The following CRACD variants were observed in gnomAD, a reference collection of about 807,000 sequenced individuals.
CRACD encodes the protein capping protein inhibiting regulator of actin dynamics, also known as capping protein-inhibiting regulator of actin dynamics.
In CRACD, 56 loss-of-function variants were observed where a neutral mutation model predicts 106.8. That is an observed-to-expected ratio of 0.52 (90% CI 0.42 to 0.66). The LOEUF is 0.66. CRACD is among the 30% of genes least tolerant of loss of function. CRACD has a pLI of 0.00. For missense variants in CRACD, 1,730 were observed against 1,623.2 expected (o/e 1.07, Z -1.13); for synonymous variants, 754 against 670.8 (o/e 1.12, Z -1.92).
intron 1 of CRACD, among the ~76,000 whole-genome samples, chr4:56,051,408 G>C (rs558223536): frequency 1.1e-4 from 16 of 152,066 alleles, no homozygotes; most frequent in Admixed American, 3.3e-4. Flanking sequence ...TCTCTTGGGT[G>C]GTTTTTTTCA....
At position 56,180,527 on chromosome 4, in the gene CRACD, AATAAATAG is replaced by A. The variant is rs1341753045; in HGVS notation, c.-189+1101_-189+1108del. ...AAATAAATAAATAAATAAATAAATA[AATAAATAG>A]ATAGATAGCATCATATCATTATTTT... On this transcript the variant is annotated intron_variant, in intron 2 of 10. Transcript: ENST00000682029. Among the ~76,000 whole-genome samples, 231 of 128,668 alleles carry A rather than the reference AATAAATAG, an allele frequency of 1.8e-3. 1 individual carries two copies. The highest frequency in any genetic ancestry group is 6.0e-3 in the African/African-American group (198 of 32,890). The allele number at this position is 128,668 out of a possible 152,430, so 84.4% of individuals were successfully genotyped here.
intron 1 of CRACD, among the ~76,000 whole-genome samples, chr4:56,054,037 C>G (rs1322266679): frequency 6.6e-6 from 1 of 152,168 alleles, no homozygotes; most frequent in Non-Finnish European, 1.5e-5. Context: ...CTGTCTACTA[C>G]TTGACCCTTA....
intron 2 of CRACD, among the ~76,000 whole-genome samples, chr4:56,261,355 C>T (rs1741691949): frequency 1.4e-5 from 1 of 73,378 alleles, no homozygotes; most frequent in African/African-American, 6.7e-5. Flanking sequence ...ACTGCTTCTT[C>T]TTCTTCTTTT....
chr4:56,094,929 T>G (rs972901905), intron 1 of CRACD, among the ~76,000 whole-genome samples: 1 of 152,220 alleles, frequency 6.6e-6, no homozygotes, highest in Admixed American at 6.5e-5. Flanking sequence ...TTTGCAATAT[T>G]TACTTCAGCT....
intron 1 of CRACD, among the ~76,000 whole-genome samples, chr4:56,079,884 C>A (rs1319107856): frequency 6.6e-6 from 1 of 152,166 alleles, no homozygotes; most frequent in Non-Finnish European, 1.5e-5. Flanking sequence ...CCAGTTTAAT[C>A]ATTTGAATGA....
At chr4:56,302,195 T>C (rs1744407299) in intron 4 of CRACD, among the ~76,000 whole-genome samples, 1 of 152,228 alleles carries the variant, frequency 6.6e-6, no homozygotes. Context: ...ACAATCACTA[T>C]TGAACTGCTG....
At chr4:56,087,347 A>G (rs1263891646) in intron 1 of CRACD, among the ~76,000 whole-genome samples, 2 of 152,172 alleles carry the variant, frequency 1.3e-5, no homozygotes, top group Admixed American at 1.3e-4. Context: ...ATTGAGAAAT[A>G]GGATGGATGC....
rs747227643 is a variant in CRACD at position 56,201,085 on chromosome 4, A to G, written c.-189+21655A>G. On this transcript the variant is annotated intron_variant, in intron 2 of 10. Coordinates refer to ENST00000682029, the MANE Select transcript of CRACD (RefSeq NM_001393381.1). Reference sequence around the variant, plus strand: ...TATTTCAGCTTTTCTTAACATCCAGATATTTTTATATGGACTAATGAGATA... The same window carrying G: ...TATTTCAGCTTTTCTTAACATCCAGGTATTTTTATATGGACTAATGAGATA... Among the ~76,000 whole-genome samples, 39 of 152,314 alleles carry G rather than the reference A, an allele frequency of 2.6e-4. 1 individual carries two copies. The highest frequency in any genetic ancestry group is 3.4e-3 in the Middle Eastern group (1 of 294).
At position 56,329,614 on chromosome 4, in the gene CRACD, A is replaced by G. The variant is rs754464864; in HGVS notation, c.*1810A>G. Among the ~76,000 whole-genome samples, 1 of 152,182 alleles carries G rather than the reference A, an allele frequency of 6.6e-6. No individual in the cohort carries two copies. The highest frequency in any genetic ancestry group is 1.5e-5 in the Non-Finnish European group (1 of 68,020). On this transcript the variant is annotated 3_prime_UTR_variant, in exon 11 of 11. Coordinates refer to ENST00000682029, the MANE Select transcript of CRACD (RefSeq NM_001393381.1). ...CCTTTTTTTATTGCTATGGCAAGCA[A>G]TTAGTATTTCACTGCACGTCTTCCA...
intron 5 of CRACD, 64 bp downstream of exon 5, chr4:56,307,763 T>G: frequency 6.5e-7 from 1 of 1,544,196 alleles, no homozygotes; most frequent in Non-Finnish European, 8.9e-7. Context: ...GGGCCTCCAG[T>G]AACCCTGGGG....
At chr4:56,065,141 GCAATGACATGATCT>G (rs1313829180) in intron 1 of CRACD, among the ~76,000 whole-genome samples, 2 of 151,668 alleles carry the variant, frequency 1.3e-5, no homozygotes, top group South Asian at 2.1e-4. Context: ...AGGCTGTAGT[GCAATGACATGATCT>G]CAGCTCACTG....
At chr4:56,307,728 G>A (rs73159946) in intron 5 of CRACD, 29 bp downstream of exon 5, 1 of 1,612,202 alleles carries the variant, frequency 6.2e-7, no homozygotes, top group Admixed American at 1.7e-5. Context: ...ATGACTTGAT[G>A]GCTCATAAAC....
chr4:56,227,111 C>T (rs1381120588), intron 2 of CRACD, among the ~76,000 whole-genome samples: 2 of 152,112 alleles, frequency 1.3e-5, no homozygotes, highest in African/African-American at 2.4e-5. Context: ...TTTATAGCAA[C>T]ACAAATGGAC....
At chr4:56,197,712 T>C (rs1737675115) in intron 2 of CRACD, among the ~76,000 whole-genome samples, 1 of 151,752 alleles carries the variant, frequency 6.6e-6, no homozygotes, top group Non-Finnish European at 1.5e-5. Flanking sequence ...GGAGTCTCAC[T>C]CTGTTGCCCC....
At chr4:56,295,185 A>T (rs1321019204) in intron 3 of CRACD, among the ~76,000 whole-genome samples, 1 of 152,040 alleles carries the variant, frequency 6.6e-6, no homozygotes, top group African/African-American at 2.4e-5. Context: ...TTTATAGCAA[A>T]TTGCTCATTG....
At chr4:56,121,332 A>G (rs1734475613) in intron 1 of CRACD, among the ~76,000 whole-genome samples, 2 of 152,236 alleles carry the variant, frequency 1.3e-5, no homozygotes, top group South Asian at 2.1e-4. Flanking sequence ...AAAAATGTCA[A>G]ATGGTCACAT....
intron 1 of CRACD, among the ~76,000 whole-genome samples, chr4:56,104,966 CAAA>C (rs34655977): frequency 0.18 from 12,336 of 68,666 alleles, 540 homozygotes; most frequent in East Asian, 0.3. Context: ...GACTCCGTCT[CAAA>C]AAAAAAAAAA....
intron 1 of CRACD, among the ~76,000 whole-genome samples, chr4:56,111,215 A>G (rs1021517642): frequency 6.6e-6 from 1 of 152,138 alleles, no homozygotes; most frequent in Non-Finnish European, 1.5e-5. Flanking sequence ...GGGTGGGGGT[A>G]GCTTCCATAG....
chr4:56,061,095 G>A (rs938050312), intron 1 of CRACD, among the ~76,000 whole-genome samples: 2 of 152,174 alleles, frequency 1.3e-5, no homozygotes, highest in Admixed American at 1.3e-4. Context: ...TGACTTTGAA[G>A]GGTGACTAGG....
Sources: allele counts gnomAD v4.1 joint callset (sites outside exome capture counted in the v4.1 genomes callset), GRCh38; gene constraint gnomAD v4.1.1; transcripts MANE v1.5; gene names NCBI Gene and HGNC (gene_info 2026-07-23, HGNC 2026-07-21).